Variants in PCDHGB1 observed in about 807,000 individuals in gnomAD.
PCDHGB1 encodes the protein protocadherin gamma subfamily B, 1.
In PCDHGB1, 34 loss-of-function variants were observed where a neutral mutation model predicts 56.6. The observed-to-expected ratio is 0.60, with a 90% CI of 0.46 to 0.80. PCDHGB1 has a LOEUF of 0.80. Ranked by LOEUF, PCDHGB1 falls within the 30% of genes least tolerant of loss-of-function variation. The pLI is 0.00. For missense variants in PCDHGB1, 1,278 were observed against 1,204.6 expected (o/e 1.06, Z -0.90); for synonymous variants, 561 against 505.9 (o/e 1.11, Z -1.46).
chr5:141,388,708 C>A lies in PCDHGB1; in HGVS notation c.2409+36039C>A, dbSNP rs764003797. On this transcript the variant is annotated intron_variant, in intron 1 of 3. Transcript: ENST00000523390. ...ACGGACCAGGATGAGGGTGTCAATG[C>A]CGAGATTACTTTCTCTTTCAGTGAA... 1.9e-6 allele frequency: 3 copies of A among 1,613,842 alleles called. No individual in the cohort carries two copies. The highest frequency in any genetic ancestry group is 2.5e-6 in the Non-Finnish European group (3 of 1,179,882).
chr5:141,427,921 G>A (rs2097089596), intron 1 of PCDHGB1: 3 of 1,580,128 alleles, frequency 1.9e-6, no homozygotes, highest in African/African-American at 1.3e-5. Flanking sequence ...AACATGAGCC[G>A]GCGCATGTTG....
intron 1 of PCDHGB1, among the ~76,000 whole-genome samples, chr5:141,468,216 T>C (rs2099160325): frequency 6.6e-6 from 1 of 150,794 alleles, no homozygotes. Flanking sequence ...TTCCAGCTAC[T>C]TGGGAGGATG....
In PCDHGB1 at chr5:141,450,775, C is replaced by T. The variant is rs561501224; in HGVS notation, c.2410-44032C>T. ...GTGCCGGGATTACAGGCATGAGCCA[C>T]CGTGCCCGGACCTCATGATTGTATT... On this transcript the variant is annotated intron_variant, in intron 1 of 3. Coordinates refer to ENST00000523390, the MANE Select transcript of PCDHGB1 (RefSeq NM_018922.3). Among the ~76,000 whole-genome samples the T allele has an allele frequency of 2.3e-3, 352 of 151,748 alleles. 1 individual carries two copies. The highest frequency in any genetic ancestry group is 4.5e-3 in the Non-Finnish European group (306 of 67,958).
chr5:141,432,050 C>T lies in PCDHGB1; in HGVS notation c.2410-62757C>T. The stretch of plus-strand genomic sequence containing the variant: ...GACCGCCACTGACCGGGGAACCCCG[C>T]CCCTATCCACGGAAACTCATATCTC... On this transcript the variant is annotated intron_variant, in intron 1 of 3. Transcript: ENST00000523390. The surrounding 1 kb of genome is among the most constrained non-coding windows in gnomAD (Gnocchi z 6.0). The T allele has an allele frequency of 6.2e-7, 1 of 1,614,218 alleles. No individual in the cohort carries two copies. The highest frequency in any genetic ancestry group is 8.5e-7 in the Non-Finnish European group (1 of 1,180,044).
rs1486554010 is a variant in PCDHGB1 at position 141,431,630 on chromosome 5, G to C, written c.2410-63177G>C. Reference sequence around the variant, plus strand: ...GTATGTGGACGACAAGGCGGCCCAAGTTTTCAAACTAGATTGTAATTCAGG... The same window carrying C: ...GTATGTGGACGACAAGGCGGCCCAACTTTTCAAACTAGATTGTAATTCAGG... On this transcript the variant is annotated intron_variant, in intron 1 of 3. Transcript: ENST00000523390. This position sits in a 1 kb window ranked among gnomAD's most constrained non-coding sequence, Gnocchi z 4.8. 6.2e-7 allele frequency: 1 copy of C among 1,614,250 alleles called. No individual in the cohort carries two copies. Among genetic ancestry groups the C allele is most frequent in the East Asian group, 2.2e-5 (1 of 44,882 alleles).
chr5:141,430,994 C>T, intron 1 of PCDHGB1: 1 of 1,613,950 alleles, frequency 6.2e-7, no homozygotes, highest in East Asian at 2.2e-5. Context: ...CGCCCTGAAT[C>T]CGCGCAGCGG....
At chr5:141,357,471 C>T in intron 1 of PCDHGB1, 1 of 1,614,206 alleles carries the variant, frequency 6.2e-7, no homozygotes, top group Non-Finnish European at 8.5e-7. Context: ...CCCACGAGGT[C>T]TCCCTCACCG....
chr5:141,428,159 G>A (rs1377084529), intron 1 of PCDHGB1: 1 of 1,571,752 alleles, frequency 6.4e-7, no homozygotes, highest in East Asian at 2.2e-5. Context: ...GAACCTGCTG[G>A]TTGCTGTGCG....
intron 1 of PCDHGB1, chr5:141,430,664 C>G (rs2154553866): frequency 8.3e-7 from 1 of 1,209,890 alleles, no homozygotes; most frequent in East Asian, 2.6e-5. Context: ...CGGAGGAGCT[C>G]TGACTTCCCA....
chr5:141,352,541 T>C lies in PCDHGB1; in HGVS notation c.2281T>C (p.Phe761Leu). 6.2e-7 allele frequency: 1 copy of C among 1,613,748 alleles called. No individual in the cohort carries two copies. The highest frequency in any genetic ancestry group is 1.1e-5 in the South Asian group (1 of 91,062). ...TGCCTCTCATTCTGCAAAGACAGAGTTTAATTCTCTCAACCTGACACCGGA... is the reference window on the plus strand; with the variant it reads ...TGCCTCTCATTCTGCAAAGACAGAGCTTAATTCTCTCAACCTGACACCGGA... ...CIASHSAKTEFNSLNLTPEMA... is the reference protein window; with the variant it reads ...CIASHSAKTELNSLNLTPEMA... Residue 761 changes from phenylalanine (F) to leucine (L), a missense_variant, in exon 1 of 4, where the codon TTT (phenylalanine) becomes CTT (leucine). Transcript: ENST00000523390.
chr5:141,508,901 C>T (rs1466455227), intron 3 of PCDHGB1, among the ~76,000 whole-genome samples: 1 of 151,946 alleles, frequency 6.6e-6, no homozygotes, highest in South Asian at 2.1e-4. Flanking sequence ...GGGGGCGGGG[C>T]GGTGGCGGAT....
At chr5:141,419,640 T>C (rs2096410171) in intron 1 of PCDHGB1, 2 of 1,612,532 alleles carry the variant, frequency 1.2e-6, no homozygotes. Context: ...GTGGTGGCCG[T>C]GGACGCGGAC....
Position 141,431,431 on chromosome 5 carries a change from C to T in PCDHGB1, c.2410-63376C>T, listed in dbSNP as rs776557037. ...ACGGGGGCGACCCGGTGCGCACAGG[C>T]ACCGCGCGCATCCGCGTGATGGTTC... is the stretch of plus-strand genomic sequence containing the variant. On this transcript the variant is annotated intron_variant, in intron 1 of 3. Transcript: ENST00000523390. This position sits in a 1 kb window ranked among gnomAD's most constrained non-coding sequence, Gnocchi z 4.8. 11 of 1,613,586 alleles carry T rather than the reference C, an allele frequency of 6.8e-6. No individual in the cohort carries two copies. The East Asian group carries it at 1.1e-4, about 16-fold the overall frequency.
Position 141,432,812 on chromosome 5 carries a change from G to A in PCDHGB1, c.2410-61995G>A, listed in dbSNP as rs753429933. ...CAGCCTCGAGTCTCCAGCTAACTCT[G>A]AAACCTCAGACCTCACTCTGTACCT... On this transcript the variant is annotated intron_variant, in intron 1 of 3. Coordinates refer to ENST00000523390, the MANE Select transcript of PCDHGB1 (RefSeq NM_018922.3). This position sits in a 1 kb window ranked among gnomAD's most constrained non-coding sequence, Gnocchi z 6.0. 1.2e-6 allele frequency: 2 copies of A among 1,614,176 alleles called. No homozygotes were observed. Among genetic ancestry groups the A allele is most frequent in the Non-Finnish European group, 1.7e-6 (2 of 1,180,014 alleles).
At chr5:141,419,093 C>T (rs1191453038) in intron 1 of PCDHGB1, 4 of 1,613,916 alleles carry the variant, frequency 2.5e-6, no homozygotes, top group South Asian at 1.1e-5. Flanking sequence ...GGCCCTGGAT[C>T]GGGAGCAGAC....
At chr5:141,356,484 A>C (rs767625709) in intron 1 of PCDHGB1, 17 of 1,613,862 alleles carry the variant, frequency 1.1e-5, no homozygotes, top group Non-Finnish European at 1.4e-5. Flanking sequence ...CTGACCAGGG[A>C]ACTCCTCCAC....
Position 141,432,488 on chromosome 5 carries a change from C to G in PCDHGB1, c.2410-62319C>G. 6.2e-7 allele frequency: 1 copy of G among 1,614,202 alleles called. No homozygotes were observed. Among genetic ancestry groups the G allele is most frequent in the Non-Finnish European group, 8.5e-7 (1 of 1,180,048 alleles). On this transcript the variant is annotated intron_variant, in intron 1 of 3. Coordinates refer to ENST00000523390, the MANE Select transcript of PCDHGB1 (RefSeq NM_018922.3). This position sits in a 1 kb window ranked among gnomAD's most constrained non-coding sequence, Gnocchi z 6.0. ...CACGGACGGTTCCACTGGCGTGGAGCTGGCTCCCCGCTCCGCAGAGCCCGG... is the reference window on the plus strand; with the variant it reads ...CACGGACGGTTCCACTGGCGTGGAGGTGGCTCCCCGCTCCGCAGAGCCCGG...
rs1418271960 is a variant in PCDHGB1 at position 141,372,958 on chromosome 5, T to C, written c.2409+20289T>C. ...AGTAGGGTGTCTAGGAAATTCTTTG[T>C]AGAATTTCCTGTAGAATATCTGTGT... On this transcript the variant is annotated intron_variant, in intron 1 of 3. Transcript: ENST00000523390. 8.4e-6 allele frequency: 6 copies of C among 710,456 alleles called. No individual in the cohort carries two copies. The Middle Eastern group carries it at 1.1e-3, about 132-fold the overall frequency. The allele number at this position is 710,456 out of a possible 1,614,324, so 44.0% of individuals were successfully genotyped here. A position where few individuals can be genotyped will look rare whatever the true frequency, so the allele number is the denominator to read the frequency against.
chr5:141,365,484 C>T (rs1763944357), intron 1 of PCDHGB1: 1 of 1,613,876 alleles, frequency 6.2e-7, no homozygotes, highest in African/African-American at 1.3e-5. Flanking sequence ...ATTGCATGCT[C>T]TATTCCTAGG....
Sources: gnomAD v4.1 joint callset for allele counts (sites outside exome capture counted in the v4.1 genomes callset) on GRCh38, gnomAD v4.1.1 for gene constraint, Gnocchi (gnomAD v3.1) non-coding constraint, MANE v1.5 for transcripts, NCBI Gene and HGNC (gene_info 2026-07-23, HGNC 2026-07-21) for gene names.